Variants in MALAT1 observed in about 807,000 individuals in gnomAD.
The protein encoded by MALAT1 is metastasis associated lung adenocarcinoma transcript 1, also known as hepcarcin.
At chr11:65,504,497 C>G (rs565826504) in intron 3 of MALAT1, 3 of 518,844 alleles carry the variant, frequency 5.8e-6, no homozygotes, top group South Asian at 4.2e-5. Flanking sequence ...GGAAAAAATC[C>G]AGCTGAGTGA....
At chr11:65,497,784 C>G (rs893210053) in exon 1 of MALAT1, 2 of 477,232 alleles carry the variant, frequency 4.2e-6, no homozygotes, top group Non-Finnish European at 8.4e-6. Flanking sequence ...GGCCCCGCAA[C>G]TGGCCTCTCC....
chr11:65,499,213 T>C (rs371656461), exon 3 of MALAT1: 20 of 502,662 alleles, frequency 4.0e-5, no homozygotes, highest in Non-Finnish European at 6.3e-5. Flanking sequence ...TTTAACGTAA[T>C]TTTAATAGCT....
At chr11:65,505,115 T>C (rs773427587) in intron 3 of MALAT1, 2 of 518,902 alleles carry the variant, frequency 3.9e-6, no homozygotes, top group African/African-American at 3.8e-5. Context: ...GTAACTGGCA[T>C]GTGAGCAAAC....
At chr11:65,501,569 G>A (rs529219258) in exon 3 of MALAT1, 1 of 518,522 alleles carries the variant, frequency 1.9e-6, no homozygotes, top group African/African-American at 1.9e-5. Context: ...GGGAGAAAAT[G>A]TTTTTTTCTA....
exon 3 of MALAT1, chr11:65,501,045 G>C (rs763087273): frequency 2.0e-6 from 1 of 509,698 alleles, no homozygotes; most frequent in Non-Finnish European, 3.9e-6. Flanking sequence ...AAAACCAAAT[G>C]AATTTGATAG....
intron 1 of MALAT1, chr11:65,498,359 C>A (rs1431375851): frequency 1.9e-6 from 1 of 517,850 alleles, no homozygotes; most frequent in African/African-American, 1.9e-5. Flanking sequence ...ACTGGGGGGC[C>A]GCAGATCAGA....
exon 3 of MALAT1, chr11:65,503,448 A>C (rs751365619): frequency 1.9e-6 from 1 of 517,096 alleles, no homozygotes; most frequent in Non-Finnish European, 3.9e-6. Context: ...TAAAGTGATC[A>C]GTGCCTTGAT....
intron 3 of MALAT1, chr11:65,503,999 T>C (rs778958934): frequency 5.8e-6 from 3 of 517,154 alleles, no homozygotes; most frequent in Admixed American, 2.0e-5. Context: ...GTAATACTTT[T>C]TCACATTTCC....
chr11:65,500,305 A>G (rs371517367), exon 3 of MALAT1: 64 of 518,778 alleles, frequency 1.2e-4, no homozygotes, highest in Non-Finnish European at 2.3e-4. Flanking sequence ...TTCAAGATCA[A>G]GAGTAATTAC....
chr11:65,498,332 G>C (rs762904206), intron 1 of MALAT1: 1 of 517,966 alleles, frequency 1.9e-6, no homozygotes, highest in Non-Finnish European at 3.9e-6. Context: ...CGTGCGGGCC[G>C]TGGGGGGCTG....
At chr11:65,500,048 G>C in exon 3 of MALAT1, 1 of 440,188 alleles carries the variant, frequency 2.3e-6, no homozygotes, top group South Asian at 1.7e-5. Context: ...ATTTCTGGTG[G>C]TGCAGAAGTT....
At chr11:65,505,213 C>CT (rs1281513165) in intron 3 of MALAT1, 3 of 518,514 alleles carry the variant, frequency 5.8e-6, no homozygotes, top group Non-Finnish European at 1.2e-5. Flanking sequence ...GCACCGAAGG[C>CT]TTAAAGTAGG....
At chr11:65,502,327 C>G (rs1854568650) in exon 3 of MALAT1, 1 of 515,974 alleles carries the variant, frequency 1.9e-6, no homozygotes, top group African/African-American at 1.9e-5. Context: ...ATAGAAACTG[C>G]AGAGCAAAGG....
chr11:65,499,091 G>A lies in MALAT1; in HGVS notation n.354G>A, dbSNP rs1181525806. On this transcript the variant is annotated non_coding_transcript_exon_variant, in exon 3 of 4. Transcript: ENST00000619449. ...AGGGGCTTCTGCTGAGGGGGCAGGC[G>A]GAGCTTGAGGAAACCGCAGATAAGT... 7.7e-6 allele frequency: 4 copies of A among 518,134 alleles called. No individual in the cohort carries two copies. In the Admixed American group the frequency reaches 7.8e-5, roughly 10 times the overall value. The allele number at this position is 518,134 out of a possible 1,614,324, so 32.1% of individuals were successfully genotyped here.
chr11:65,497,785 T>C (rs760052845), exon 1 of MALAT1: 6 of 476,184 alleles, frequency 1.3e-5, no homozygotes, highest in Non-Finnish European at 2.1e-5. Flanking sequence ...GCCCCGCAAC[T>C]GGCCTCTCCT....
chr11:65,500,847 G>A (rs776629773), exon 3 of MALAT1: 1 of 518,734 alleles, frequency 1.9e-6, no homozygotes, highest in African/African-American at 1.9e-5. Context: ...ATATAATGGG[G>A]GAGTTTCGTA....
chr11:65,501,291 C>A (rs753584229), exon 3 of MALAT1: 1 of 517,846 alleles, frequency 1.9e-6, no homozygotes. Flanking sequence ...TGTCTAGAAT[C>A]CTAAAGGCAA....
At chr11:65,499,335 A>C (rs766514545) in exon 3 of MALAT1, 1 of 499,256 alleles carries the variant, frequency 2.0e-6, no homozygotes. Flanking sequence ...ATGGAGTAAA[A>C]AATGTATTTA....
intron 3 of MALAT1, chr11:65,504,832 GAC>G (rs765944697): frequency 9.6e-6 from 5 of 518,862 alleles, no homozygotes; most frequent in Non-Finnish European, 1.9e-5. Context: ...ACACTCAGCA[GAC>G]ACACGTATGC....
Sources: gnomAD v4.1 joint callset for allele counts on GRCh38, gnomAD v4.1.1 for gene constraint, MANE v1.5 for transcripts, NCBI Gene and HGNC (gene_info 2026-07-23, HGNC 2026-07-21) for gene names.